The following GMDS variants were observed in gnomAD, a reference collection of about 807,000 sequenced individuals.
GMDS encodes the protein GDP-mannose 4,6 dehydratase.
A neutral mutation model predicts 49.9 loss-of-function variants in GMDS; 20 were observed. That is an observed-to-expected ratio of 0.40 (90% CI 0.28 to 0.58). GMDS has a LOEUF of 0.58. GMDS is among the 20% of genes least tolerant of loss of function. The pLI is 0.42. For synonymous variants in GMDS, 177 were observed against 178.6 expected (o/e 0.99, Z 0.07); for missense variants, 362 against 481.4 (o/e 0.75, Z 2.32).
At chr6:1,869,973 C>T (rs376312085) in intron 7 of GMDS, among the ~76,000 whole-genome samples, 2 of 152,222 alleles carry the variant, frequency 1.3e-5, no homozygotes, top group East Asian at 1.9e-4. Flanking sequence ...ACAGCTGAGA[C>T]GGCTCAGACC....
intron 7 of GMDS, among the ~76,000 whole-genome samples, chr6:1,805,347 T>C (rs1467948625): frequency 6.6e-6 from 1 of 152,214 alleles, no homozygotes; most frequent in Non-Finnish European, 1.5e-5. Flanking sequence ...TTTTGATGTA[T>C]TGACAGTCCC....
At chr6:2,004,462 T>A (rs1348846481) in intron 4 of GMDS, among the ~76,000 whole-genome samples, 3 of 152,204 alleles carry the variant, frequency 2.0e-5, no homozygotes, top group Non-Finnish European at 4.4e-5. Context: ...TAATTTACTA[T>A]GATATTAACT....
chr6:1,685,456 CTTTG>C (rs1381110527), intron 9 of GMDS, among the ~76,000 whole-genome samples: 1 of 151,964 alleles, frequency 6.6e-6, no homozygotes, highest in Non-Finnish European at 1.5e-5. Flanking sequence ...CAGTATAGCT[CTTTG>C]TTTGCTAAGC....
At chr6:1,726,541 T>A (rs1766596282) in intron 8 of GMDS, 29 bp from the exon 9 acceptor site, 1 of 1,503,474 alleles carries the variant, frequency 6.7e-7, no homozygotes, top group Non-Finnish European at 9.3e-7. Context: ...CTGAATCAGC[T>A]CCTAATTGCT....
chr6:2,154,863 C>CAAAAAAAAAAAAAAAAAAAAAAGAAAAA (rs1777026491), intron 1 of GMDS, among the ~76,000 whole-genome samples: 1 of 65,626 alleles, frequency 1.5e-5, no homozygotes, highest in Non-Finnish European at 3.0e-5. Flanking sequence ...TGAAGAGATG[C>CAAAAAAAAAAAAAAAAAAAAAAGAAAAA]AAAAAAAAAA....
chr6:2,120,584 T>C (rs1775086275), intron 2 of GMDS, among the ~76,000 whole-genome samples: 1 of 152,230 alleles, frequency 6.6e-6, no homozygotes, highest in Non-Finnish European at 1.5e-5. Flanking sequence ...AGTTATTTAA[T>C]ATATTTTCAT....
At position 2,230,744 on chromosome 6, in the gene GMDS, G is replaced by GA. The variant is rs889775771; in HGVS notation, c.102+14576dup. On this transcript the variant is annotated intron_variant, in intron 1 of 10. Coordinates refer to ENST00000380815, the MANE Select transcript of GMDS (RefSeq NM_001500.4). ...CCGTTGTCCATAAAAAAGCCAAAAG[G>GA]AAAAAAAAAGGGACTTCAATACTTG... Among the ~76,000 whole-genome samples, 123 of 147,552 alleles carry GA rather than the reference G, an allele frequency of 8.3e-4. 1 individual carries two copies. The highest frequency in any genetic ancestry group is 1.7e-3 in the Admixed American group (26 of 14,936).
chr6:1,970,316 A>G (rs1247931385), intron 4 of GMDS, among the ~76,000 whole-genome samples: 2 of 152,254 alleles, frequency 1.3e-5, no homozygotes, highest in Non-Finnish European at 2.9e-5. Flanking sequence ...GACAGCAACA[A>G]TAAAACCTTA....
chr6:2,102,202 G>A lies in GMDS; in HGVS notation c.345+13569C>T, dbSNP rs962299492. On this transcript the variant is annotated intron_variant, in intron 4 of 10. Coordinates refer to ENST00000380815, the MANE Select transcript of GMDS (RefSeq NM_001500.4). ...GTCCCCTATAATTCATACAAAATCT[G>A]TTTTTAGACTTTAAAAAGGGCATCA... Among the ~76,000 whole-genome samples, 5 of 151,938 alleles carry A rather than the reference G, an allele frequency of 3.3e-5. No individual in the cohort carries two copies. In the South Asian group the frequency reaches 8.3e-4, roughly 25 times the overall value.
intron 4 of GMDS, among the ~76,000 whole-genome samples, chr6:2,078,399 A>G (rs1024893353): frequency 6.6e-6 from 1 of 152,028 alleles, no homozygotes; most frequent in Admixed American, 6.6e-5. Context: ...TGATGTGGGC[A>G]TTTATTGCTA....
chr6:2,123,038 G>T (rs6911073), intron 2 of GMDS, among the ~76,000 whole-genome samples: 28,883 of 152,094 alleles, frequency 0.19, 6,700 homozygotes, highest in African/African-American at 0.55. Flanking sequence ...TTGTTGCATC[G>T]ATTTGCAAAT....
chr6:2,125,522 A>G (rs2127510714), intron 1 of GMDS, among the ~76,000 whole-genome samples: 1 of 152,142 alleles, frequency 6.6e-6, no homozygotes, highest in Non-Finnish European at 1.5e-5. Flanking sequence ...TGAACCTGGG[A>G]GTTCGAGGCT....
At chr6:1,774,593 A>T (rs116546627) in intron 7 of GMDS, among the ~76,000 whole-genome samples, 3,154 of 152,356 alleles carry the variant, frequency 0.021, 109 homozygotes, top group African/African-American at 0.071. Flanking sequence ...AACATGTACA[A>T]GAATGCACAC....
chr6:2,174,714 C>T lies in GMDS; in HGVS notation c.103-49983G>A, dbSNP rs2014403. Among the ~76,000 whole-genome samples, 459 of 152,168 alleles carry T rather than the reference C, an allele frequency of 3.0e-3. 2 individuals carry two copies. Among genetic ancestry groups the T allele is most frequent in the African/African-American group, 0.011 (445 of 41,514 alleles). The stretch of plus-strand genomic sequence containing the variant: ...TCCCGAGTAGCTAGGACTGCAGGCA[C>T]GTGCCACCATGCCAGGCTAACTTTT... On this transcript the variant is annotated intron_variant, in intron 1 of 10. Coordinates refer to ENST00000380815, the MANE Select transcript of GMDS (RefSeq NM_001500.4).
chr6:1,856,040 A>AG (rs1757924533), intron 7 of GMDS, among the ~76,000 whole-genome samples: 1 of 152,232 alleles, frequency 6.6e-6, no homozygotes, highest in Non-Finnish European at 1.5e-5. Flanking sequence ...AACATCCTCC[A>AG]GAATTTCAAA....
chr6:1,996,706 C>T (rs1766303706), intron 4 of GMDS, among the ~76,000 whole-genome samples: 1 of 152,100 alleles, frequency 6.6e-6, no homozygotes, highest in Admixed American at 6.5e-5. Context: ...ATGGATTCTT[C>T]TAGGAAGCTG....
intron 4 of GMDS, among the ~76,000 whole-genome samples, chr6:2,001,916 T>C (rs1766841214): frequency 6.6e-6 from 1 of 152,130 alleles, no homozygotes; most frequent in Admixed American, 6.6e-5. Context: ...AATGTAGCAG[T>C]CTCAGTTTTA....
chr6:1,972,278 T>TTA lies in GMDS; in HGVS notation c.346-11313_346-11312insTA, dbSNP rs398000172. 8.6e-4 allele frequency among the ~76,000 whole-genome samples: 129 copies of TTA among 150,290 alleles called. 1 individual carries two copies. The highest frequency in any genetic ancestry group is 2.9e-3 in the African/African-American group (117 of 40,816). The stretch of plus-strand genomic sequence containing the variant: ...TGGGTTTTTGTTTTTTTTTTTTTTT[T>TTA]AGAAAATCTTAATTTAAAAATACTT... On this transcript the variant is annotated intron_variant, in intron 4 of 10. Transcript: ENST00000380815.
chr6:1,690,464 T>C (rs6931095), intron 9 of GMDS, among the ~76,000 whole-genome samples: 140,266 of 152,226 alleles, frequency 0.92, 64,691 homozygotes, highest in East Asian at 0.98. Context: ...CAATACTTTA[T>C]GAAATAGGGA....
Sources: allele counts gnomAD v4.1 joint callset (sites outside exome capture counted in the v4.1 genomes callset), GRCh38; gene constraint gnomAD v4.1.1; transcripts MANE v1.5; gene names NCBI Gene and HGNC (gene_info 2026-07-23, HGNC 2026-07-21).